The following CCDC33 variants were observed in gnomAD, a reference collection of about 807,000 sequenced individuals.
CCDC33 encodes the protein coiled-coil domain containing 33.
CCDC33 carries 94 observed loss-of-function variants against 91.9 expected under a neutral mutation model. The observed-to-expected ratio is 1.02, with a 90% CI of 0.87 to 1.21. CCDC33 has a LOEUF of 1.21. Among genes scored for constraint, CCDC33 ranks in the 50% most tolerant of loss-of-function variants. The pLI, the probability that CCDC33 is intolerant of heterozygous loss-of-function variation, is 0.00. For synonymous variants in CCDC33, 396 were observed against 374.5 expected (o/e 1.06, Z -0.66); for missense variants, 940 against 935.5 (o/e 1.00, Z -0.06).
Position 74,330,446 on chromosome 15 carries a change from A to T in CCDC33, c.1456+92A>T. ...TAGGGTGGCTGGGAGCTTCTCCCAG[A>T]TGTGCATGCTGCTGGACTCTGGCAA... On this transcript the variant is annotated intron_variant, in intron 12 of 18. Transcript: ENST00000398814. The T allele has an allele frequency of 2.9e-6, 4 of 1,371,908 alleles. No homozygotes were observed. In the South Asian group the frequency reaches 4.4e-5, roughly 15 times the overall value. The allele number at this position is 1,371,908 out of a possible 1,614,324, so 85.0% of individuals were successfully genotyped here. A position where few individuals can be genotyped will look rare whatever the true frequency, so the allele number is the denominator to read the frequency against.
intron 2 of CCDC33, among the ~76,000 whole-genome samples, chr15:74,254,234 T>C (rs1455014273): frequency 6.6e-6 from 1 of 152,078 alleles, no homozygotes; most frequent in Non-Finnish European, 1.5e-5. Flanking sequence ...GGTTTCACCA[T>C]GTTTGTCAGG....
At chr15:74,235,354 G>T (rs1210291256), upstream of CCDC33, among the ~76,000 whole-genome samples, 1 of 152,250 alleles carries the variant, frequency 6.6e-6, no homozygotes, top group Non-Finnish European at 1.5e-5. Context: ...TGGGGGTAGA[G>T]AGGGAGGCTG....
At chr15:74,220,541 C>T (rs919215886) in intron 2 of CCDC33, among the ~76,000 whole-genome samples, 4 of 152,184 alleles carry the variant, frequency 2.6e-5, no homozygotes. Flanking sequence ...GCCCTGGCCA[C>T]CTGAGCCACA....
chr15:74,238,384 AG>A (rs2075246246), intron 1 of CCDC33, among the ~76,000 whole-genome samples: 1 of 150,258 alleles, frequency 6.7e-6, no homozygotes, highest in African/African-American at 2.5e-5. Flanking sequence ...CTCCAGCCTG[AG>A]CAACAAAGAG....
intron 11 of CCDC33, among the ~76,000 whole-genome samples, chr15:74,322,278 C>T (rs144080739): frequency 2.0e-5 from 3 of 152,352 alleles, no homozygotes; most frequent in African/African-American, 7.2e-5. Flanking sequence ...AGGTCTAAGT[C>T]CTCAGCTGGG....
At chr15:74,320,152 T>A (rs1292233593) in intron 11 of CCDC33, among the ~76,000 whole-genome samples, 1 of 152,014 alleles carries the variant, frequency 6.6e-6, no homozygotes, top group Non-Finnish European at 1.5e-5. Flanking sequence ...TTCTAGAAAC[T>A]CCTGTGACTC....
rs763803432 is a variant in CCDC33, at chr15:74,330,335, CAGTGAGGCCCAGA to C, written c.1439_1451del (p.Ser480ThrfsTer5). On this transcript the variant is annotated frameshift_variant, in exon 12 of 19. Transcript: ENST00000398814. LOFTEE classifies it high-confidence loss of function. ...AGGAGGAAGAGGGGCAGGGCAAAGC[CAGTGAGGCCCAGA>C]ACACGGGTGAGGATGTGCAGGCCAC... The C allele has an allele frequency of 2.5e-6, 4 of 1,603,830 alleles. No individual in the cohort carries two copies. In the South Asian group the frequency reaches 3.3e-5, roughly 13 times the overall value.
intron 11 of CCDC33, chr15:74,302,968 C>T (rs1483699527): frequency 6.6e-6 from 1 of 152,404 alleles, no homozygotes; most frequent in Non-Finnish European, 1.5e-5. Context: ...CCCTGAGGCT[C>T]CTGCACTGTG....
chr15:74,260,223 G>T (rs1035645923), intron 2 of CCDC33, among the ~76,000 whole-genome samples: 4 of 152,168 alleles, frequency 2.6e-5, no homozygotes, highest in African/African-American at 9.7e-5. Flanking sequence ...GAGGGAAAAA[G>T]GGACCCGAGG....
At chr15:74,319,147 C>T (rs900803) in intron 11 of CCDC33, among the ~76,000 whole-genome samples, 148,470 of 152,302 alleles carry the variant, frequency 0.97, 72,471 homozygotes, top group East Asian at 1. Flanking sequence ...AGTGCTAACC[C>T]TTCTGGTTTG....
chr15:74,244,009 C>T lies in CCDC33; in HGVS notation c.46C>T (p.Leu16=). ...GAACACTGAAGACCCAGAGGAGCCC[C>T]TGATCGCCTCCCAGAGCACGGAACC... ...KKNTEDPEEP[L]IASQSTEPEI... is the part of the protein sequence containing the mutation. Residue 16 remains leucine (L), a synonymous_variant, in exon 2 of 19, where the codon CTG becomes TTG. Coordinates refer to ENST00000398814, the MANE Select transcript of CCDC33 (RefSeq NM_025055.5). This position sits in a 1 kb window ranked among gnomAD's most constrained non-coding sequence, Gnocchi z 4.2. 3 of 1,613,664 alleles carry T rather than the reference C, an allele frequency of 1.9e-6. No individual in the cohort carries two copies. Among genetic ancestry groups the T allele is most frequent in the Non-Finnish European group, 2.5e-6 (3 of 1,179,856 alleles).
intron 11 of CCDC33, among the ~76,000 whole-genome samples, chr15:74,322,735 A>G (rs2142829939): frequency 6.6e-6 from 1 of 152,306 alleles, no homozygotes; most frequent in Non-Finnish European, 1.5e-5. Context: ...CACAGGCTGA[A>G]GCTGAGTGTC....
chr15:74,240,530 G>A (rs2075312869), intron 1 of CCDC33, among the ~76,000 whole-genome samples: 1 of 152,186 alleles, frequency 6.6e-6, no homozygotes, highest in Non-Finnish European at 1.5e-5. Context: ...CATTCCCATT[G>A]GCCAGGTGGG....
chr15:74,216,026 G>A (rs1193819655), upstream of CCDC33, among the ~76,000 whole-genome samples: 2 of 152,190 alleles, frequency 1.3e-5, no homozygotes, highest in Non-Finnish European at 2.9e-5. Context: ...AGGGGATGGG[G>A]CCAGGATACG....
At chr15:74,219,347 C>A (rs1267076281) in intron 2 of CCDC33, among the ~76,000 whole-genome samples, 1 of 152,200 alleles carries the variant, frequency 6.6e-6, no homozygotes, top group East Asian at 1.9e-4. Flanking sequence ...GTTCTGTGAC[C>A]AGACAGCATG....
intron 2 of CCDC33, among the ~76,000 whole-genome samples, chr15:74,247,101 C>T (rs1007897235): frequency 6.6e-6 from 1 of 151,196 alleles, no homozygotes; most frequent in Non-Finnish European, 1.5e-5. Context: ...GCCAAGATTG[C>T]GCCACTGCAC....
intron 2 of CCDC33, among the ~76,000 whole-genome samples, chr15:74,225,155 T>TGTGTGTGTGA (rs1491175056): frequency 1.5e-4 from 21 of 143,300 alleles, no homozygotes; most frequent in Middle Eastern, 3.7e-3. Context: ...TGTGTGTGTG[T>TGTGTGTGTGA]GACAGAGAAT....
rs898943172 is a variant in CCDC33 at position 74,218,942 on chromosome 15, C to A, written c.675+81C>A. 3 of 1,183,228 alleles carry A rather than the reference C, an allele frequency of 2.5e-6. No homozygotes were observed. The highest frequency in any genetic ancestry group is 3.1e-5 in the South Asian group (2 of 64,882). 73.3% of individuals were successfully genotyped at this position (1,183,228 alleles called of 1,614,324 possible). A position where few individuals can be genotyped will look rare whatever the true frequency, so the allele number is the denominator to read the frequency against. ...GCCTCCGTGATAAGCCAGGCTACCCCCTGTCCTGAGCTGAGCTGAGCAGAG... is the reference window on the plus strand; with the variant it reads ...GCCTCCGTGATAAGCCAGGCTACCCACTGTCCTGAGCTGAGCTGAGCAGAG... On this transcript the variant is annotated intron_variant, in intron 2 of 2. Transcript: ENST00000635913. This position sits in a 1 kb window ranked among gnomAD's most constrained non-coding sequence, Gnocchi z 4.8.
intron 2 of CCDC33, chr15:74,221,173 A>G: frequency 1.0e-6 from 1 of 962,020 alleles, no homozygotes; most frequent in Non-Finnish European, 1.2e-6. Context: ...ACTTGGTTGT[A>G]GGCTCACAAG....
Sources: gnomAD v4.1 joint callset for allele counts (sites outside exome capture counted in the v4.1 genomes callset) on GRCh38, gnomAD v4.1.1 for gene constraint, Gnocchi (gnomAD v3.1) non-coding constraint, MANE v1.5 for transcripts, NCBI Gene and HGNC (gene_info 2026-07-23, HGNC 2026-07-21) for gene names.